Variants in ME3 observed in about 807,000 individuals in gnomAD.
ME3 encodes the protein malic enzyme 3.
In ME3, 48 loss-of-function variants were observed where a neutral mutation model predicts 68.9. The observed-to-expected ratio is 0.70, with a 90% CI of 0.55 to 0.89. The LOEUF (loss-of-function observed/expected upper bound fraction) is 0.89. Among genes scored for constraint, ME3 ranks in the 40% least tolerant of loss-of-function variants. ME3 has a pLI of 0.00. For missense variants in ME3, 675 were observed against 797.4 expected (o/e 0.85, Z 1.85); for synonymous variants, 320 against 318.8 (o/e 1.00, Z -0.04).
intron 2 of ME3, among the ~76,000 whole-genome samples, chr11:86,576,566 T>C (rs1408533904): frequency 3.3e-5 from 5 of 152,338 alleles, no homozygotes; most frequent in Non-Finnish European, 7.3e-5. Context: ...GCTCTTGCAC[T>C]GTCCCCTGCA....
intron 6 of ME3, among the ~76,000 whole-genome samples, chr11:86,493,865 A>G (rs1360134079): frequency 6.6e-6 from 1 of 152,092 alleles, no homozygotes; most frequent in Non-Finnish European, 1.5e-5. Flanking sequence ...TTTTATAGAG[A>G]CATACATACA....
exon 15 of ME3, chr11:86,441,154 C>T: frequency 9.7e-7 from 1 of 1,032,024 alleles, no homozygotes; most frequent in Non-Finnish European, 1.3e-6. Context: ...CATCTCCTCT[C>T]ACACCAGAAA....
chr11:86,480,820 G>A (rs1282160139), intron 7 of ME3, among the ~76,000 whole-genome samples: 1 of 152,198 alleles, frequency 6.6e-6, no homozygotes, highest in Non-Finnish European at 1.5e-5. Context: ...AAAGGAAGCT[G>A]CCAGAGCTGT....
intron 2 of ME3, among the ~76,000 whole-genome samples, chr11:86,656,492 G>T (rs9943611): frequency 6.6e-6 from 1 of 150,712 alleles, no homozygotes; most frequent in Non-Finnish European, 1.5e-5. Flanking sequence ...GCAAACCATC[G>T]CAAGGACAAA....
chr11:86,501,676 C>G (rs1360603664), intron 5 of ME3, among the ~76,000 whole-genome samples: 2 of 152,194 alleles, frequency 1.3e-5, no homozygotes, highest in African/African-American at 2.4e-5. Context: ...AGCCTTTTTA[C>G]TCTGCTGTCC....
intron 4 of ME3, among the ~76,000 whole-genome samples, chr11:86,511,797 A>T (rs661972): frequency 0.089 from 13,605 of 152,100 alleles, 804 homozygotes; most frequent in East Asian, 0.26. Flanking sequence ...GCTCCTGTAG[A>T]TAACATCACT....
At chr11:86,462,860 A>G (rs888125379) in intron 8 of ME3, among the ~76,000 whole-genome samples, 3 of 152,172 alleles carry the variant, frequency 2.0e-5, no homozygotes, top group African/African-American at 7.2e-5. Context: ...TTCCCTGGGC[A>G]GGAGACCCTG....
intron 2 of ME3, 25 bp from the exon 3 acceptor site, chr11:86,559,848 C>T: frequency 6.2e-7 from 1 of 1,611,454 alleles, no homozygotes; most frequent in Non-Finnish European, 8.5e-7. Context: ...AAAAGAACAC[C>T]CACACATAAG....
chr11:86,628,852 C>T (rs1943827293), intron 2 of ME3, among the ~76,000 whole-genome samples: 2 of 152,086 alleles, frequency 1.3e-5, no homozygotes, highest in Admixed American at 1.3e-4. Context: ...ACAGAAAAGT[C>T]TATGAGGAAG....
chr11:86,468,887 C>T (rs1467013285), intron 7 of ME3, among the ~76,000 whole-genome samples: 2 of 152,226 alleles, frequency 1.3e-5, no homozygotes, highest in Non-Finnish European at 2.9e-5. Context: ...TTCACATCAC[C>T]TTATGATGTA....
At chr11:86,509,684 G>C (rs668270) in intron 4 of ME3, among the ~76,000 whole-genome samples, 1 of 150,412 alleles carries the variant, frequency 6.6e-6, no homozygotes, top group Admixed American at 6.6e-5. Flanking sequence ...AATAAGCCGC[G>C]GAAAGGATAA....
At chr11:86,644,574 ACT>A (rs1944880175) in intron 2 of ME3, among the ~76,000 whole-genome samples, 1 of 151,902 alleles carries the variant, frequency 6.6e-6, no homozygotes, top group African/African-American at 2.4e-5. Context: ...TGGTCTCCAG[ACT>A]CTACGTGATA....
intron 7 of ME3, among the ~76,000 whole-genome samples, chr11:86,483,504 C>T (rs968037421): frequency 1.7e-4 from 25 of 150,618 alleles, no homozygotes; most frequent in East Asian, 5.8e-4. Context: ...TCAGGGATTA[C>T]GTGTGTGTGT....
intron 2 of ME3, among the ~76,000 whole-genome samples, chr11:86,571,574 A>C (rs953339464): frequency 6.6e-6 from 1 of 152,224 alleles, no homozygotes; most frequent in Non-Finnish European, 1.5e-5. Context: ...ATTTTCCTTT[A>C]ATTTTAATTA....
chr11:86,515,591 A>G (rs1953840350), intron 4 of ME3, among the ~76,000 whole-genome samples: 1 of 152,094 alleles, frequency 6.6e-6, no homozygotes, highest in Non-Finnish European at 1.5e-5. Flanking sequence ...ACACTGTAAA[A>G]CCCTGTAGAC....
At chr11:86,493,690 A>G (rs1282908390) in intron 6 of ME3, among the ~76,000 whole-genome samples, 2 of 152,182 alleles carry the variant, frequency 1.3e-5, no homozygotes, top group Non-Finnish European at 1.5e-5. Context: ...TCCCTTCTTC[A>G]TGGGATCATG....
chr11:86,521,431 A>AAATAAT (rs1555221578), intron 4 of ME3, among the ~76,000 whole-genome samples: 7 of 145,996 alleles, frequency 4.8e-5, no homozygotes, highest in East Asian at 4.0e-4. Context: ...AACAAAACAA[A>AAATAAT]AATAATAATA....
At chr11:86,544,042 C>T (rs1349208043) in intron 4 of ME3, among the ~76,000 whole-genome samples, 1 of 150,504 alleles carries the variant, frequency 6.6e-6, no homozygotes, top group Non-Finnish European at 1.5e-5. Context: ...GAACAAACTA[C>T]TCCTGAATGA....
At chr11:86,671,740 G>C in intron 2 of ME3, 22 bp downstream of exon 2, 1 of 1,596,662 alleles carries the variant, frequency 6.3e-7, no homozygotes, top group South Asian at 1.1e-5. Flanking sequence ...AACGCGGGCC[G>C]TCCTGCCCTC....
Sources: gnomAD v4.1 joint callset for allele counts (sites outside exome capture counted in the v4.1 genomes callset) on GRCh38, gnomAD v4.1.1 for gene constraint, MANE v1.5 for transcripts, NCBI Gene and HGNC (gene_info 2026-07-23, HGNC 2026-07-21) for gene names.